PLSCR4: variants seen among roughly 807,000 people sequenced by gnomAD.
PLSCR4 encodes Ca(2+)-dependent phospholipid scramblase 4.
PLSCR4 carries 25 observed loss-of-function variants against 36.3 expected under a neutral mutation model. The ratio of observed to expected loss-of-function variants is 0.69; its 90% confidence interval spans 0.50 to 0.96. PLSCR4 has a LOEUF of 0.96. PLSCR4 is among the 40% of genes least tolerant of loss of function. The pLI is 0.00. For synonymous variants in PLSCR4, 122 were observed against 132.9 expected, an observed-to-expected ratio of 0.92 and a Z score of 0.56; for missense variants, 408 against 414.7, an observed-to-expected ratio of 0.98 and a Z score of 0.14.
intron 6 of PLSCR4, among the ~76,000 whole-genome samples, chr3:146,198,364 T>C (rs1306125400): frequency 6.6e-6 from 1 of 152,068 alleles, no homozygotes; most frequent in Non-Finnish European, 1.5e-5. Context: ...AAAACCTAGG[T>C]AAAGTTATGA....
At chr3:146,225,779 G>A (rs1422699643) in intron 1 of PLSCR4, among the ~76,000 whole-genome samples, 4 of 152,280 alleles carry the variant, frequency 2.6e-5, no homozygotes, top group African/African-American at 7.2e-5. Flanking sequence ...GCCCGCAAGC[G>A]CCGCACGCGG....
intron 6 of PLSCR4, among the ~76,000 whole-genome samples, chr3:146,197,499 T>C (rs1327749346): frequency 2.0e-5 from 3 of 152,134 alleles, no homozygotes; most frequent in Non-Finnish European, 4.4e-5. Flanking sequence ...ATCTCAGACA[T>C]GAAAATTATA....
At chr3:146,249,019 G>A (rs2036450845) in intron 1 of PLSCR4, among the ~76,000 whole-genome samples, 1 of 152,052 alleles carries the variant, frequency 6.6e-6, no homozygotes, top group Admixed American at 6.5e-5. Flanking sequence ...TTTGCTTTGA[G>A]TTGACTCTTT....
chr3:146,237,664 T>C (rs904309963), intron 1 of PLSCR4, among the ~76,000 whole-genome samples: 4 of 151,808 alleles, frequency 2.6e-5, no homozygotes, highest in East Asian at 1.9e-4. Context: ...AAATTCACAA[T>C]GAAAAGACAA....
chr3:146,199,241 C>T (rs192484436), intron 6 of PLSCR4, among the ~76,000 whole-genome samples: 19 of 152,144 alleles, frequency 1.2e-4, no homozygotes, highest in African/African-American at 2.9e-4. Flanking sequence ...TCTCCAAAAC[C>T]GCTTCTCTTT....
intron 1 of PLSCR4, among the ~76,000 whole-genome samples, chr3:146,229,641 A>ATTTT (rs372274251): frequency 0.17 from 22,699 of 132,734 alleles, 2,417 homozygotes; most frequent in East Asian, 0.2. Context: ...TTATTTATTT[A>ATTTT]TGAGATGGAG....
At chr3:146,217,863 A>G (rs2034964520) in intron 3 of PLSCR4, among the ~76,000 whole-genome samples, 1 of 152,180 alleles carries the variant, frequency 6.6e-6, no homozygotes, top group Admixed American at 6.5e-5. Context: ...GACTGACATG[A>G]TCTGTGGATA....
At chr3:146,196,395 A>C in intron 7 of PLSCR4, 1 of 456,632 alleles carries the variant, frequency 2.2e-6, no homozygotes, top group Non-Finnish European at 3.9e-6. Context: ...TAATGTATTA[A>C]ATGATTTCTT....
At chr3:146,248,553 TGGAC>T (rs1192538826) in intron 1 of PLSCR4, among the ~76,000 whole-genome samples, 10 of 152,202 alleles carry the variant, frequency 6.6e-5, no homozygotes, top group Admixed American at 2.0e-4. Context: ...CTTTATGTTT[TGGAC>T]ATATTTCCAA....
intron 3 of PLSCR4, among the ~76,000 whole-genome samples, chr3:146,212,021 T>C (rs1218455094): frequency 1.3e-5 from 2 of 152,130 alleles, no homozygotes; most frequent in South Asian, 2.1e-4. Flanking sequence ...GTTTAGGCTA[T>C]TCTGAATCCT....
chr3:146,229,616 TA>T (rs2035620182), intron 1 of PLSCR4, among the ~76,000 whole-genome samples: 1 of 131,554 alleles, frequency 7.6e-6, no homozygotes, highest in African/African-American at 2.7e-5. Context: ...TTTATTTATT[TA>T]TTTATTTATT....
At chr3:146,215,837 G>A (rs924337294) in intron 3 of PLSCR4, among the ~76,000 whole-genome samples, 3 of 152,196 alleles carry the variant, frequency 2.0e-5, no homozygotes, top group Non-Finnish European at 4.4e-5. Context: ...ACAGTTTTGG[G>A]AACTGTAGGT....
chr3:146,211,771 T>C (rs764301554), intron 3 of PLSCR4, among the ~76,000 whole-genome samples: 5 of 152,178 alleles, frequency 3.3e-5, no homozygotes, highest in Non-Finnish European at 5.9e-5. Flanking sequence ...CTTTTGTATG[T>C]TGATATTCAT....
intron 8 of PLSCR4, among the ~76,000 whole-genome samples, chr3:146,194,683 G>A (rs2022058370): frequency 6.6e-6 from 1 of 152,068 alleles, no homozygotes; most frequent in Non-Finnish European, 1.5e-5. Context: ...TTAAAAAGAG[G>A]AAAAACTTCA....
At chr3:146,246,865 G>A (rs2036358892) in intron 1 of PLSCR4, among the ~76,000 whole-genome samples, 1 of 152,086 alleles carries the variant, frequency 6.6e-6, no homozygotes, top group Non-Finnish European at 1.5e-5. Flanking sequence ...AGTCGGCAGT[G>A]CATACATTTA....
intron 3 of PLSCR4, among the ~76,000 whole-genome samples, chr3:146,211,792 T>C (rs1439087288): frequency 6.6e-6 from 1 of 152,160 alleles, no homozygotes; most frequent in Admixed American, 6.5e-5. Flanking sequence ...TTGTCTCAGA[T>C]CCTTTGTTGA....
intron 2 of PLSCR4, among the ~76,000 whole-genome samples, chr3:146,221,580 C>CAA (rs3840205): frequency 1.3e-5 from 2 of 151,622 alleles, no homozygotes; most frequent in Admixed American, 6.6e-5. Flanking sequence ...CTGCTTACTA[C>CAA]AAAAAAAAGC....
At chr3:146,227,079 C>T (rs1169600304) in intron 1 of PLSCR4, among the ~76,000 whole-genome samples, 2 of 152,144 alleles carry the variant, frequency 1.3e-5, no homozygotes, top group Non-Finnish European at 2.9e-5. Context: ...TAACTTAATC[C>T]TCCTTTAATA....
intron 1 of PLSCR4, among the ~76,000 whole-genome samples, chr3:146,247,210 T>A (rs1576504333): frequency 6.6e-6 from 1 of 152,268 alleles, no homozygotes; most frequent in East Asian, 1.9e-4. Context: ...GAAAAAAATA[T>A]TTTCTTCCTG....
Sources: gnomAD v4.1 joint callset for allele counts (sites outside exome capture counted in the v4.1 genomes callset) on GRCh38, gnomAD v4.1.1 for gene constraint, MANE v1.5 for transcripts, NCBI Gene and HGNC (gene_info 2026-07-23, HGNC 2026-07-21) for gene names.